The following FLG variants were observed in gnomAD, a reference collection of about 807,000 sequenced individuals.
FLG encodes filaggrin.
In FLG, 6 loss-of-function variants were observed where a neutral mutation model predicts 3.8. The ratio of observed to expected loss-of-function variants is 1.60; its 90% CI spans 0.87 to 3.15. The LOEUF is 3.15. Ranked by LOEUF, FLG falls within the 30% of genes most tolerant of loss-of-function variation. The probability of loss-of-function intolerance (pLI) is 0.00; values close to 1 mark genes in which losing one functional copy is unlikely to be tolerated. For synonymous variants in FLG, 2,551 were observed against 1,931.6 expected (o/e 1.32, Z -8.41); for missense variants, 7,595 against 5,050.9 (o/e 1.50, Z -15.27).
Position 152,312,086 on chromosome 1 carries a change from C to G in FLG, c.2800G>C (p.Glu934Gln), listed in dbSNP as rs555884477. The G allele has an allele frequency of 7.4e-6, 12 of 1,614,108 alleles. No homozygotes were observed. In the African/African-American group the frequency reaches 1.6e-4, roughly 22 times the overall value. ...TGGCGCCTGCTTGTCCTGGACCCCT[C>G]TGATTGTCCCTGGCCTGCCTGTGAG... ...RHSQAGQGQS[E>Q]GSRTSRRQGS... Residue 934 changes from glutamate to glutamine, a missense_variant, in exon 3 of 3, where the codon GAG (glutamate) becomes CAG (glutamine). Coordinates refer to ENST00000368799, the MANE Select transcript of FLG (RefSeq NM_002016.2).
Position 152,311,600 on chromosome 1 carries a change from G to T in FLG, c.3286C>A (p.Gln1096Lys), listed in dbSNP as rs1156902037. ...CGTGCGGACTCTTGGTGGCTCTGCT[G>T]ATGGGGCCCATCCTGTCCATGGCCT... ...VSGHGQDGPHQQSHQESARDW... is the reference protein window; with the variant it reads ...VSGHGQDGPHKQSHQESARDW... Residue 1096 changes from glutamine (Q) to lysine (K), a missense_variant, in exon 3 of 3, where the codon CAG (glutamine) becomes AAG (lysine). Physicochemically the swap from Gln to Lys is moderately conservative, Grantham distance 53. Transcript: ENST00000368799. 6.2e-7 allele frequency: 1 copy of T among 1,613,964 alleles called. No individual in the cohort carries two copies. Among genetic ancestry groups the T allele is most frequent in the Non-Finnish European group, 8.5e-7 (1 of 1,180,030 alleles).
Position 152,303,701 on chromosome 1 carries a change from G to C in FLG, c.11185C>G (p.Pro3729Ala), listed in dbSNP as rs1218348577. The change falls in exon 3 of 3, where the codon CCC becomes GCC. Residue 3729 changes from proline to alanine, a missense_variant. Pro to Ala is a conservative substitution (Grantham distance 27). Coordinates refer to ENST00000368799, the MANE Select transcript of FLG (RefSeq NM_002016.2). ...QSESAHGRAGPSTGGRQGSRH... is the reference protein window; with the variant it reads ...QSESAHGRAGASTGGRQGSRH... ...GATCCTTGTCTTCCTCCAGTACTGGGCCCAGCCCGTCCATGGGCAGACTCA... is the reference window on the plus strand; with the variant it reads ...GATCCTTGTCTTCCTCCAGTACTGGCCCCAGCCCGTCCATGGGCAGACTCA... The C allele has an allele frequency of 1.2e-6, 2 of 1,613,958 alleles. No individual in the cohort carries two copies. The highest frequency in any genetic ancestry group is 2.2e-5 in the East Asian group (1 of 44,846).
In FLG at chr1:152,302,740, A is replaced by G; in HGVS notation, c.12146T>C (p.Leu4049Pro). ...CGHSSDISKQ[L>P]GFSQSQRYYY... is the part of the protein sequence containing the mutation. ...GTATCTCTGTGACTGACTAAATCCC[A>G]GTTGTTTCGATATATCACTAGAATG... The change falls in exon 3 of 3, where the codon CTG becomes CCG. Residue 4049 changes from leucine (L) to proline (P), a missense_variant. Transcript: ENST00000368799. 1 of 1,614,054 alleles carries G rather than the reference A, an allele frequency of 6.2e-7. No homozygotes were observed. Among genetic ancestry groups the G allele is most frequent in the Admixed American group, 1.7e-5 (1 of 60,012 alleles).
rs575855434 is a variant in FLG at position 152,311,953 on chromosome 1, G to T, written c.2933C>A (p.Ser978Ter). ...RNHRGSAQEQ[S>*]RHGSRHPRSH... The stretch of plus-strand genomic sequence containing the variant: ...CCTGGGGTGTCTGGAGCCATGTCTT[G>T]ACTGCTCCTGAGCAGATCCACGATG... The change falls in exon 3 of 3, where the codon TCA becomes TAA. Residue 978 changes from serine (S) to a stop codon, truncating the protein, a stop_gained. Transcript: ENST00000368799. LOFTEE classifies it low-confidence loss of function (END_TRUNC). 1 of 1,614,040 alleles carries T rather than the reference G, an allele frequency of 6.2e-7. No homozygotes were observed. The highest frequency in any genetic ancestry group is 8.5e-7 in the Non-Finnish European group (1 of 1,179,986).
In FLG at chr1:152,313,385, G is replaced by C. The variant is rs61816761; in HGVS notation, c.1501C>G (p.Arg501Gly). The C allele has an allele frequency of 6.2e-7, 1 of 1,613,302 alleles. No individual in the cohort carries two copies. Among genetic ancestry groups the C allele is most frequent in the Non-Finnish European group, 8.5e-7 (1 of 1,179,838 alleles). ...GRQGSHHEQA[R>G]DSSRHSASQE... The stretch of plus-strand genomic sequence containing the variant: ...GACGCTGAATGCCTGGAGCTGTCTC[G>C]TGCCTGCTCGTGGTGCGATCCTTGT... Residue 501 changes from arginine (R) to glycine (G), a missense_variant, in exon 3 of 3, where the codon CGA becomes GGA. Physicochemically the swap from Arg to Gly is moderately radical, Grantham distance 125 (BLOSUM62 -2). Coordinates refer to ENST00000368799, the MANE Select transcript of FLG (RefSeq NM_002016.2).
Position 152,310,129 on chromosome 1 carries a change from G to C in FLG, c.4757C>G (p.Thr1586Arg). Reference sequence around the variant, plus strand: ...AACACTGGATCCCTGGCGCCTGCTTGTCTTGGACCCCGCTGATTCTCCCTG... The same window carrying C: ...AACACTGGATCCCTGGCGCCTGCTTCTCTTGGACCCCGCTGATTCTCCCTG... ...VGQGESAGSK[T>R]SRRQGSSVSQ... Residue 1586 changes from threonine (T) to arginine (R), a missense_variant, in exon 3 of 3, where the codon ACA becomes AGA. Transcript: ENST00000368799. The C allele has an allele frequency of 1.2e-6, 2 of 1,613,936 alleles. No individual in the cohort carries two copies. Among genetic ancestry groups the C allele is most frequent in the Non-Finnish European group, 1.7e-6 (2 of 1,179,984 alleles).
rs1004761549 is a variant in FLG at position 152,310,774 on chromosome 1, G to T, written c.4112C>A (p.Ser1371Ter). The change falls in exon 3 of 3, where the codon TCA becomes TAA. Residue 1371 changes from serine (S) to a stop codon, truncating the protein, a stop_gained. Coordinates refer to ENST00000368799, the MANE Select transcript of FLG (RefSeq NM_002016.2). LOFTEE classifies it low-confidence loss of function (END_TRUNC). Reference protein sequence around the residue: ...HQQSADSSRHSGIGHRQASSA... With the variant: ...HQQSADSSRH ...TGAAGCTTGTCTGTGCCCAATGCCT[G>T]AGTGTCTGGAGCTGTCTGCTGACTG... The T allele has an allele frequency of 6.2e-7, 1 of 1,613,912 alleles. No homozygotes were observed. Among genetic ancestry groups the T allele is most frequent in the African/African-American group, 1.3e-5 (1 of 74,874 alleles).
At position 152,309,971 on chromosome 1, in the gene FLG, C is replaced by A. The variant is rs1395333375; in HGVS notation, c.4915G>T (p.Asp1639Tyr). The change falls in exon 3 of 3, where the codon GAT becomes TAT. Residue 1639 changes from aspartate (D) to tyrosine (Y), a missense_variant. Physicochemically the swap from Asp to Tyr is radical, Grantham distance 160 (BLOSUM62 -3). Coordinates refer to ENST00000368799, the MANE Select transcript of FLG (RefSeq NM_002016.2). ...GSRNPRSHQE[D>Y]RASHGHSAES... ...GCAGAGTGCCCATGACTGGCTCTAT[C>A]TTCTTGATGGGACCTGGGGTTCCTG... 1.2e-6 allele frequency: 2 copies of A among 1,614,100 alleles called. No individual in the cohort carries two copies. Among genetic ancestry groups the A allele is most frequent in the Admixed American group, 1.7e-5 (1 of 60,020 alleles).
Position 152,305,780 on chromosome 1 carries a change from G to C in FLG, c.9106C>G (p.Gln3036Glu), listed in dbSNP as rs1366110773. 3 of 1,093,570 alleles carry C rather than the reference G, an allele frequency of 2.7e-6. No homozygotes were observed. The highest frequency in any genetic ancestry group is 2.9e-4 in the Middle Eastern group (1 of 3,446). 67.7% of individuals were successfully genotyped at this position (1,093,570 alleles called of 1,614,324 possible). Residue 3036 changes from glutamine (Q) to glutamate (E), a missense_variant, in exon 3 of 3, where the codon CAG becomes GAG. By Grantham distance (29) the Gln-to-Glu change is conservative (BLOSUM62 2). Transcript: ENST00000368799. ...TGGCTCTGCTGATGGGACCCAGCCTGTCCGTGGGCTGACACTGACTGTGTG... is the reference window on the plus strand; with the variant it reads ...TGGCTCTGCTGATGGGACCCAGCCTCTCCGTGGGCTGACACTGACTGTGTG... The part of the protein sequence containing the change: ...SDTQSVSAHG[Q>E]AGSHQQSHQE...
At chr1:152,321,580 G>GTT (rs35418797) in intron 1 of FLG, among the ~76,000 whole-genome samples, 45,526 of 150,586 alleles carry the variant, frequency 0.3, 8,639 homozygotes, top group East Asian at 0.62. Context: ...TAGAAGAAAT[G>GTT]TCTAGAAAAA....
At chr1:152,323,243 G>T (rs1653036545) in intron 1 of FLG, among the ~76,000 whole-genome samples, 1 of 151,528 alleles carries the variant, frequency 6.6e-6, no homozygotes, top group Non-Finnish European at 1.5e-5. Flanking sequence ...TCGGGGTGGG[G>T]AAATACTTAA....
Position 152,304,569 on chromosome 1 carries a change from C to A in FLG, c.10317G>T (p.Gly3439=). The A allele has an allele frequency of 1.2e-6, 2 of 1,610,494 alleles. No homozygotes were observed. Among genetic ancestry groups the A allele is most frequent in the South Asian group, 1.1e-5 (1 of 90,636 alleles). ...EGQDTIRGHP[G]SSRRGRQGSH... ...ATCCCTGCCTTCCTCTTCTGCTTGA[C>A]CCCGGGTGTCCACGAATGGTGTCCT... is the stretch of plus-strand genomic sequence containing the variant. Residue 3439 remains glycine (G), a synonymous_variant, in exon 3 of 3, where the codon GGG becomes GGT. Transcript: ENST00000368799.
chr1:152,313,422 G>T lies in FLG; in HGVS notation c.1464C>A (p.Ser488Arg). 1 of 1,613,834 alleles carries T rather than the reference G, an allele frequency of 6.2e-7. No homozygotes were observed. The highest frequency in any genetic ancestry group is 8.5e-7 in the Non-Finnish European group (1 of 1,179,966). ...PDSAHGRTGT[S>R]TGGRQGSHHE... ...GGTGCGATCCTTGTCTTCCTCCAGT[G>T]CTGGTCCCGGTCCGTCCATGGGCAG... The change falls in exon 3 of 3, where the codon AGC (serine) becomes AGA (arginine). Residue 488 changes from serine (S) to arginine (R), a missense_variant. Transcript: ENST00000368799.
Position 152,311,110 on chromosome 1 carries a change from C to G in FLG, c.3776G>C (p.Gly1259Ala). ...HSQVGQEQSS[G>A]SRTSRHQGSS... The stretch of plus-strand genomic sequence containing the variant: ...TCCCTGGTGCCTGCTTGTCCTGGAC[C>G]CCGATGATTGTTCCTGTCCCACCTG... Residue 1259 changes from glycine (G) to alanine (A), a missense_variant, in exon 3 of 3, where the codon GGG becomes GCG. Physicochemically the swap from Gly to Ala is moderately conservative, Grantham distance 60. Coordinates refer to ENST00000368799, the MANE Select transcript of FLG (RefSeq NM_002016.2). 3 of 1,613,756 alleles carry G rather than the reference C, an allele frequency of 1.9e-6. No individual in the cohort carries two copies. The highest frequency in any genetic ancestry group is 1.7e-6 in the Non-Finnish European group (2 of 1,179,954).
rs549879189 is a variant in FLG, at chr1:152,312,453, C to T, written c.2433G>A (p.Gly811=). 16 of 1,613,594 alleles carry T rather than the reference C, an allele frequency of 9.9e-6. No homozygotes were observed. The East Asian group carries it at 3.6e-4, about 36-fold the overall frequency. ...KQSESSHGWT[G]PSTGVRQGSH... ...ATCCTTGTCTTACTCCAGTGCTGGG[C>T]CCTGTCCATCCATGGGAGGACTCAG... Residue 811 remains glycine (G), a synonymous_variant, in exon 3 of 3, where the codon GGG becomes GGA. Transcript: ENST00000368799.
rs757252459 is a variant in FLG, at chr1:152,303,654, G to C, written c.11232C>G (p.Asp3744Glu). The change falls in exon 3 of 3, where the codon GAC becomes GAG. Residue 3744 changes from aspartate to glutamate, a missense_variant. Transcript: ENST00000368799. ...RQGSRHEQAR[D>E]SSRHSASQEG... is the part of the protein sequence containing the mutation. ...CTTGGGACGCTGAGTGCCTGGAGCT[G>C]TCTCGTGCCTGCTCGTGGCGGGATC... 3.7e-6 allele frequency: 6 copies of C among 1,613,888 alleles called. No individual in the cohort carries two copies. The highest frequency in any genetic ancestry group is 1.7e-5 in the Admixed American group (1 of 59,944).
rs1474501797 is a variant in FLG at position 152,313,300 on chromosome 1, C to T, written c.1586G>A (p.Gly529Glu). ...ATTTACCGATTGCTCGTGGTGGGATCCCTGCCTTCCTCCTCTGCTTGACCC... is the reference window on the plus strand; with the variant it reads ...ATTTACCGATTGCTCGTGGTGGGATTCCTGCCTTCCTCCTCTGCTTGACCC... ...HPGSSRGGRQ[G>E]SHHEQSVNRS... is the part of the protein sequence containing the mutation. Residue 529 changes from glycine (G) to glutamate (E), a missense_variant, in exon 3 of 3, where the codon GGA becomes GAA. By Grantham distance (98) the Gly-to-Glu change is moderately conservative (BLOSUM62 -2). Coordinates refer to ENST00000368799, the MANE Select transcript of FLG (RefSeq NM_002016.2). The T allele has an allele frequency of 1.2e-6, 2 of 1,613,696 alleles. No homozygotes were observed. The highest frequency in any genetic ancestry group is 1.7e-5 in the Admixed American group (1 of 60,004).
rs113652604 is a variant in FLG, at chr1:152,312,894, G to C, written c.1992C>G (p.His664Gln). ...RDGSRHPRSH[H>Q]EDRAGHGHSA... ...AGTGCCCATGACCAGCTCTGTCTTC[G>C]TGATGGGACCTGGGGTGTCTGGAGC... is the stretch of plus-strand genomic sequence containing the variant. Residue 664 changes from histidine (H) to glutamine (Q), a missense_variant, in exon 3 of 3, where the codon CAC becomes CAG. His to Gln is a conservative substitution (Grantham distance 24). Transcript: ENST00000368799. 1 of 1,613,926 alleles carries C rather than the reference G, an allele frequency of 6.2e-7. No homozygotes were observed. The highest frequency in any genetic ancestry group is 2.2e-5 in the East Asian group (1 of 44,858).
Position 152,303,785 on chromosome 1 carries a change from C to T in FLG, c.11101G>A (p.Ala3701Thr), listed in dbSNP as rs758044622. The change falls in exon 3 of 3, where the codon GCA (alanine) becomes ACA (threonine). Residue 3701 changes from alanine (A) to threonine (T), a missense_variant. Ala to Thr is a moderately conservative substitution (Grantham distance 58, BLOSUM62 0). Coordinates refer to ENST00000368799, the MANE Select transcript of FLG (RefSeq NM_002016.2). ...GACCCTGAACGTCCAGACCTTCCTG[C>T]TGACCGGCCACGTGTGGACTCTTGG... is the stretch of plus-strand genomic sequence containing the variant. ...SHQESTRGRS[A>T]GRSGRSGSFL... is the part of the protein sequence containing the mutation. 9.3e-6 allele frequency: 15 copies of T among 1,613,736 alleles called. No individual in the cohort carries two copies. In the South Asian group the frequency reaches 1.6e-4, roughly 18 times the overall value.
Sources: allele counts gnomAD v4.1 joint callset (sites outside exome capture counted in the v4.1 genomes callset), GRCh38; gene constraint gnomAD v4.1.1; transcripts MANE v1.5; gene names NCBI Gene and HGNC (gene_info 2026-07-23, HGNC 2026-07-21).